PABPC1L: variants seen among roughly 807,000 people sequenced by gnomAD.
PABPC1L encodes polyadenylate-binding protein 1-like.
Under a neutral mutation model 66.6 loss-of-function variants are expected in PABPC1L, and 31 were observed. That is an observed-to-expected ratio of 0.47 (90% CI 0.35 to 0.63). The LOEUF (loss-of-function observed/expected upper bound fraction) is 0.63. PABPC1L is among the 20% of genes least tolerant of loss of function. PABPC1L has a pLI of 0.00. For synonymous variants in PABPC1L, 348 were observed against 335.1 expected (o/e 1.04, Z -0.42); for missense variants, 722 against 848.8 (o/e 0.85, Z 1.86).
chr20:44,929,628 C>G (rs539579829), intron 7 of PABPC1L, among the ~76,000 whole-genome samples: 2 of 151,690 alleles, frequency 1.3e-5, no homozygotes, highest in Non-Finnish European at 2.9e-5. Context: ...AACCCTCTCT[C>G]TACTGAAAAT....
At chr20:44,928,686 A>G (rs1413166386) in intron 7 of PABPC1L, among the ~76,000 whole-genome samples, 2 of 151,764 alleles carry the variant, frequency 1.3e-5, no homozygotes, top group Non-Finnish European at 1.5e-5. Context: ...GGGCAACAGG[A>G]TGAGACCTCA....
At chr20:44,917,514 A>G (rs1166171247) in intron 3 of PABPC1L, among the ~76,000 whole-genome samples, 1 of 151,968 alleles carries the variant, frequency 6.6e-6, no homozygotes, top group Non-Finnish European at 1.5e-5. Context: ...CTTTTTCTTT[A>G]AACCTTTTGT....
intron 1 of PABPC1L, 131 bp from the exon 2 acceptor site, chr20:44,912,529 T>C: frequency 1.3e-6 from 1 of 745,966 alleles, no homozygotes. Flanking sequence ...GCTCTTATCT[T>C]GGCTTATTGT....
chr20:44,938,237 G>A, intron 13 of PABPC1L, 46 bp downstream of exon 13: 1 of 1,596,820 alleles, frequency 6.3e-7, no homozygotes, highest in South Asian at 1.1e-5. Flanking sequence ...GGCAGGAGGA[G>A]AGCTAACGAC....
chr20:44,924,411 T>A lies in PABPC1L; in HGVS notation c.972+155T>A, dbSNP rs555514837. Among the ~76,000 whole-genome samples the A allele has an allele frequency of 2.3e-3, 350 of 152,180 alleles. 2 individuals are homozygous for A. Among genetic ancestry groups the A allele is most frequent in the Non-Finnish European group, 3.1e-3 (208 of 67,972 alleles). On this transcript the variant is annotated intron_variant, in intron 7 of 14. Transcript: ENST00000217073. ...GGGCTCTGCTGACCCCGTTGGAGCT[T>A]GTAGCCATCTGCAGCCTTGTCTGGG...
intron 13 of PABPC1L, 71 bp from the exon 14 acceptor site, chr20:44,938,603 G>A (rs2066919775): frequency 1.3e-6 from 2 of 1,521,194 alleles, no homozygotes; most frequent in African/African-American, 1.4e-5. Flanking sequence ...GTGAGCGAGG[G>A]GGAGATCAAG....
In PABPC1L at chr20:44,919,193, G is replaced by A; in HGVS notation, c.654G>A (p.Leu218=). ...QDLFSQFGKM[L]SVKVMRDNSG... ...GTTGGTCCTTTGCAGGGAAAATGCT[G>A]AGTGTGAAGGTGATGAGGGACAACA... Residue 218 remains leucine, a synonymous_variant, in exon 5 of 15, where the codon CTG becomes CTA. Transcript: ENST00000217073. The A allele has an allele frequency of 6.2e-7, 1 of 1,614,224 alleles. No homozygotes were observed. Among genetic ancestry groups the A allele is most frequent in the East Asian group, 2.2e-5 (1 of 44,878 alleles).
At chr20:44,932,902 G>A (rs1410008174) in intron 9 of PABPC1L, 155 bp from the exon 10 acceptor site, 19 of 602,042 alleles carry the variant, frequency 3.2e-5, no homozygotes, top group Non-Finnish European at 5.6e-5. Flanking sequence ...GGAGTTCTGG[G>A]TCTAAGTGAA....
chr20:44,928,875 A>G (rs1376076276), intron 7 of PABPC1L, among the ~76,000 whole-genome samples: 3 of 150,492 alleles, frequency 2.0e-5, no homozygotes, highest in East Asian at 3.9e-4. Context: ...AAAAAAAAAA[A>G]AAAAAAAAAA....
chr20:44,926,963 C>A (rs184257703), intron 7 of PABPC1L, among the ~76,000 whole-genome samples: 1,829 of 152,252 alleles, frequency 0.012, 30 homozygotes, highest in African/African-American at 0.039. Flanking sequence ...ACAACCTCAA[C>A]CTCCTGGGCT....
In PABPC1L at chr20:44,921,596, C is replaced by T. The variant is rs556604143; in HGVS notation, c.741C>T (p.Ala247=). Residue 247 remains alanine (A), a splice_region_variant and synonymous_variant, in exon 6 of 15, where the codon GCC becomes GCT. Coordinates refer to ENST00000217073, the MANE Select transcript of PABPC1L (RefSeq NM_001372179.1). ...ATGTTCCCTCCTCCTTTCCCCAGGCCGTGGTCCATATGAACGGGAAGGAGG... is the reference window on the plus strand; with the variant it reads ...ATGTTCCCTCCTCCTTTCCCCAGGCTGTGGTCCATATGAACGGGAAGGAGG... ...NFEKHEEAQK[A]VVHMNGKEVS... 4.3e-5 allele frequency: 69 copies of T among 1,613,804 alleles called. No homozygotes were observed. The highest frequency in any genetic ancestry group is 5.6e-5 in the Non-Finnish European group (66 of 1,179,948).
intron 2 of PABPC1L, among the ~76,000 whole-genome samples, chr20:44,914,811 G>T (rs2066727626): frequency 6.6e-6 from 1 of 152,180 alleles, no homozygotes; most frequent in Admixed American, 6.5e-5. Flanking sequence ...CTCCTTAAAA[G>T]GGTACCTGGC....
chr20:44,930,866 T>G lies in PABPC1L; in HGVS notation c.1239+140T>G. The G allele has an allele frequency of 2.5e-6, 3 of 1,179,288 alleles. No individual in the cohort carries two copies. The South Asian group carries it at 4.6e-5, about 18-fold the overall frequency. 73.1% of individuals were successfully genotyped at this position (1,179,288 alleles called of 1,614,324 possible). On this transcript the variant is annotated intron_variant, in intron 8 of 14. Transcript: ENST00000217073. Reference sequence around the variant, plus strand: ...TCATTAGGAAGTCTTTGTTTCCCTCTCTATAAAAGGGAGAGATAGTGTTAG... The same window carrying G: ...TCATTAGGAAGTCTTTGTTTCCCTCGCTATAAAAGGGAGAGATAGTGTTAG...
intron 6 of PABPC1L, among the ~76,000 whole-genome samples, chr20:44,923,629 CA>C (rs926976464): frequency 1.4e-3 from 196 of 139,876 alleles, no homozygotes; most frequent in South Asian, 4.1e-3. Context: ...AAATCCATCT[CA>C]AAAAAAAAAA....
chr20:44,933,302 G>T, intron 10 of PABPC1L, 117 bp downstream of exon 10: 1 of 847,958 alleles, frequency 1.2e-6, no homozygotes, highest in Non-Finnish European at 1.9e-6. Flanking sequence ...GCTGACTTTG[G>T]AGACTGTAGC....
At chr20:44,936,782 G>C in intron 12 of PABPC1L, 52 bp downstream of exon 12, 1 of 1,541,440 alleles carries the variant, frequency 6.5e-7, no homozygotes, top group South Asian at 1.2e-5. Flanking sequence ...GCTGCGAGCT[G>C]GCTAGCCTGC....
intron 11 of PABPC1L, among the ~76,000 whole-genome samples, chr20:44,936,172 C>A (rs1568653181): frequency 6.6e-6 from 1 of 151,984 alleles, no homozygotes; most frequent in Non-Finnish European, 1.5e-5. Flanking sequence ...ATTATGTTGC[C>A]AAGGCTGATC....
chr20:44,915,662 G>T (rs554454244), intron 2 of PABPC1L, among the ~76,000 whole-genome samples: 1 of 152,180 alleles, frequency 6.6e-6, no homozygotes, highest in East Asian at 1.9e-4. Flanking sequence ...AGCCAGGCAT[G>T]GTGGCATGCA....
chr20:44,929,794 C>CAAAAAAA (rs569532056), intron 7 of PABPC1L, among the ~76,000 whole-genome samples: 1,486 of 101,256 alleles, frequency 0.015, 22 homozygotes, highest in African/African-American at 0.046. Flanking sequence ...AACTATGTCT[C>CAAAAAAA]AAAAAAAAAA....
Sources: gnomAD v4.1 joint callset for allele counts (sites outside exome capture counted in the v4.1 genomes callset) on GRCh38, gnomAD v4.1.1 for gene constraint, MANE v1.5 for transcripts, NCBI Gene and HGNC (gene_info 2026-07-23, HGNC 2026-07-21) for gene names.